Variants in CREB1 observed in about 807,000 individuals in gnomAD.
CREB1 encodes the protein cyclic AMP-responsive element-binding protein 1.
A neutral mutation model predicts 42.0 loss-of-function variants in CREB1; 2 were observed. The ratio of observed to expected loss-of-function variants is 0.05; its 90% CI spans 0.02 to 0.15. The LOEUF (loss-of-function observed/expected upper bound fraction) is 0.15, where lower values mean the gene tolerates loss of function less well. Ranked by LOEUF, CREB1 falls within the 10% of genes least tolerant of loss-of-function variation. The pLI is 1.00. For synonymous variants in CREB1, 123 were observed against 139.9 expected, an observed-to-expected ratio of 0.88 and a Z score of 0.85; for missense variants, 199 against 388.9, an observed-to-expected ratio of 0.51 and a Z score of 4.11.
chr2:207,533,635 C>A (rs941507013), intron 1 of CREB1, among the ~76,000 whole-genome samples: 11 of 152,108 alleles, frequency 7.2e-5, no homozygotes, highest in Admixed American at 2.6e-4. Context: ...ACTTTGATGG[C>A]TTCTTTATTG....
In CREB1 at chr2:207,552,042, CAAAAA is replaced by C. The variant is rs71036931; in HGVS notation, c.-8-3565_-8-3561del. ...GGGCAACAAGAGCGAAACTCCGTCTCAAAAAAAAAAAAAAAAAAAAAAAAATTAAG... is the reference window on the plus strand; with the variant it reads ...GGGCAACAAGAGCGAAACTCCGTCTCAAAAAAAAAAAAAAAAAAAATTAAG... On this transcript the variant is annotated intron_variant, in intron 1 of 7. Coordinates refer to ENST00000353267, the MANE Select transcript of CREB1 (RefSeq NM_004379.5). 9.9e-3 allele frequency among the ~76,000 whole-genome samples: 693 copies of C among 69,922 alleles called. 2 individuals are homozygous for C. The highest frequency in any genetic ancestry group is 0.012 in the Non-Finnish European group (484 of 40,776). 45.9% of individuals were successfully genotyped at this position (69,922 alleles called of 152,430 possible).
chr2:207,566,108 G>A (rs2082129842), intron 3 of CREB1, among the ~76,000 whole-genome samples: 1 of 152,114 alleles, frequency 6.6e-6, no homozygotes, highest in Admixed American at 6.5e-5. Context: ...AGACTTTAAA[G>A]TGTTTGGATG....
rs111280106 is a variant in CREB1, at chr2:207,575,339, A to G, written c.573A>G (p.Gln191=). The change falls in exon 6 of 8, where the codon CAA becomes CAG. Residue 191 remains glutamine (Q), a synonymous_variant. Coordinates refer to ENST00000353267, the MANE Select transcript of CREB1 (RefSeq NM_004379.5). The part of the protein sequence containing the change: ...NNGTDGVQGL[Q]TLTMTNAAAT... ...GTACCGATGGGGTACAGGGCCTGCA[A>G]ACATTAACCATGACCAATGCAGCAG... 343 of 1,614,170 alleles carry G rather than the reference A, an allele frequency of 2.1e-4. No homozygotes were observed. In the African/African-American group the frequency reaches 4.1e-3, roughly 19 times the overall value.
Position 207,597,260 on chromosome 2 carries a change from CAA to C in CREB1, c.*203_*204del, listed in dbSNP as rs2086328939. 2.0e-6 allele frequency: 1 copy of C among 488,138 alleles called. No homozygotes were observed. The highest frequency in any genetic ancestry group is 3.4e-6 in the Non-Finnish European group (1 of 293,600). The allele number at this position is 488,138 out of a possible 1,614,324, so 30.2% of individuals were successfully genotyped here. On this transcript the variant is annotated 3_prime_UTR_variant, in exon 8 of 8. Transcript: ENST00000353267. ...CAACACCTGCCTCCACTTCTCCCCT[CAA>C]GAAATTTTCAACGCCAGGAATCATG... is the stretch of plus-strand genomic sequence containing the variant.
intron 2 of CREB1, among the ~76,000 whole-genome samples, chr2:207,558,842 CA>C (rs1397706590): frequency 6.6e-6 from 1 of 152,020 alleles, no homozygotes; most frequent in East Asian, 1.9e-4. Context: ...GGGGTTTCAC[CA>C]TGTTGGCCAG....
chr2:207,589,945 C>T (rs899483723), intron 7 of CREB1, among the ~76,000 whole-genome samples: 1 of 152,024 alleles, frequency 6.6e-6, no homozygotes, highest in African/African-American at 2.4e-5. Context: ...TAATGCTGAC[C>T]TTATAAATGA....
chr2:207,587,433 T>C (rs1291554322), intron 7 of CREB1, among the ~76,000 whole-genome samples: 2 of 142,176 alleles, frequency 1.4e-5, no homozygotes, highest in Non-Finnish European at 3.1e-5. Flanking sequence ...ACACAAAAAA[T>C]AAAAGAACCA....
At chr2:207,588,541 G>A (rs1268185082) in intron 7 of CREB1, among the ~76,000 whole-genome samples, 1 of 152,104 alleles carries the variant, frequency 6.6e-6, no homozygotes, top group Non-Finnish European at 1.5e-5. Flanking sequence ...TAATCCGCTT[G>A]TTGATGTCTA....
intron 1 of CREB1, among the ~76,000 whole-genome samples, chr2:207,537,922 A>T (rs2080940933): frequency 6.6e-6 from 1 of 152,218 alleles, no homozygotes; most frequent in Non-Finnish European, 1.5e-5. Flanking sequence ...CAGATTTTAG[A>T]ATATTTGCAT....
intron 1 of CREB1, among the ~76,000 whole-genome samples, chr2:207,534,276 G>A (rs945815310): frequency 3.3e-5 from 5 of 152,074 alleles, no homozygotes; most frequent in African/African-American, 1.2e-4. Flanking sequence ...TTGCTCTGTT[G>A]CCCAGGATGG....
At chr2:207,592,354 C>G (rs1405349779) in intron 7 of CREB1, among the ~76,000 whole-genome samples, 1 of 151,986 alleles carries the variant, frequency 6.6e-6, no homozygotes, top group Non-Finnish European at 1.5e-5. Context: ...TTGCAGTAGC[C>G]CAGATCACGC....
At chr2:207,593,914 T>G (rs2085587660) in intron 7 of CREB1, among the ~76,000 whole-genome samples, 1 of 152,052 alleles carries the variant, frequency 6.6e-6, no homozygotes, top group African/African-American at 2.4e-5. Flanking sequence ...AGACAGAGTT[T>G]CGCCATGTTG....
intron 2 of CREB1, among the ~76,000 whole-genome samples, chr2:207,558,080 C>T (rs2081803540): frequency 6.6e-6 from 1 of 152,056 alleles, no homozygotes; most frequent in Middle Eastern, 3.2e-3. Flanking sequence ...TTCCATGGAC[C>T]ACATTTTGAG....
At chr2:207,592,514 A>T (rs2085250046) in intron 7 of CREB1, among the ~76,000 whole-genome samples, 1 of 152,120 alleles carries the variant, frequency 6.6e-6, no homozygotes, top group South Asian at 2.1e-4. Flanking sequence ...ATTTGCAGCA[A>T]TTCAAATATA....
intron 5 of CREB1, among the ~76,000 whole-genome samples, chr2:207,571,987 G>A (rs1037417921): frequency 2.0e-5 from 3 of 152,144 alleles, no homozygotes; most frequent in African/African-American, 7.2e-5. Context: ...CCAGCACGCT[G>A]GGAGGCCAAG....
chr2:207,548,605 G>A (rs1313139022), intron 1 of CREB1, among the ~76,000 whole-genome samples: 1 of 151,972 alleles, frequency 6.6e-6, no homozygotes, highest in African/African-American at 2.4e-5. Context: ...ACAAAAATTA[G>A]CCAGGTGTGG....
chr2:207,573,438 A>G (rs2082450679), intron 5 of CREB1, among the ~76,000 whole-genome samples: 1 of 152,246 alleles, frequency 6.6e-6, no homozygotes, highest in Non-Finnish European at 1.5e-5. Context: ...ACAGAATCAA[A>G]TAACAGTTTA....
chr2:207,564,840 A>G (rs1243351851), intron 3 of CREB1, among the ~76,000 whole-genome samples: 1 of 152,188 alleles, frequency 6.6e-6, no homozygotes, highest in African/African-American at 2.4e-5. Flanking sequence ...TTAAAGACCT[A>G]TTTAAGGAAT....
intron 7 of CREB1, chr2:207,581,893 T>G: frequency 1.4e-6 from 1 of 702,968 alleles, no homozygotes; most frequent in Non-Finnish European, 2.6e-6. Context: ...TTTTGAAGAG[T>G]AGTGATCTGT....
Sources: allele counts gnomAD v4.1 joint callset (sites outside exome capture counted in the v4.1 genomes callset), GRCh38; gene constraint gnomAD v4.1.1; transcripts MANE v1.5; gene names NCBI Gene and HGNC (gene_info 2026-07-23, HGNC 2026-07-21).